TM9SF3: variants seen among roughly 807,000 people sequenced by gnomAD.
TM9SF3 encodes SM-11044-binding protein.
Under a neutral mutation model 78.6 loss-of-function variants are expected in TM9SF3, and 14 were observed. The observed-to-expected ratio is 0.18, with a 90% CI of 0.12 to 0.28. The LOEUF is 0.28. Among genes scored for constraint, TM9SF3 ranks in the 10% least tolerant of loss-of-function variants. TM9SF3 has a pLI of 1.00. For missense variants in TM9SF3, 496 were observed against 721.9 expected, an observed-to-expected ratio of 0.69 and a Z score of 3.59; for synonymous variants, 231 against 241.7, an observed-to-expected ratio of 0.96 and a Z score of 0.41.
At chr10:96,528,505 T>C (rs911647299) in intron 11 of TM9SF3, among the ~76,000 whole-genome samples, 2 of 152,132 alleles carry the variant, frequency 1.3e-5, no homozygotes, top group Non-Finnish European at 2.9e-5. Flanking sequence ...GTATCCATAT[T>C]GTTTTGTAGA....
chr10:96,563,376 A>AT (rs771044910), intron 3 of TM9SF3, among the ~76,000 whole-genome samples: 2,394 of 145,638 alleles, frequency 0.016, 41 homozygotes, highest in Non-Finnish European at 0.021. Flanking sequence ...CTAATAATTA[A>AT]TTTTTTTTTT....
chr10:96,569,537 G>A (rs190921477), intron 2 of TM9SF3, among the ~76,000 whole-genome samples: 6 of 152,314 alleles, frequency 3.9e-5, no homozygotes, highest in African/African-American at 9.6e-5. Context: ...AGTATAAACA[G>A]TGTAATTTTT....
intron 10 of TM9SF3, 54 bp from the exon 11 acceptor site, chr10:96,530,662 A>G (rs1294117009): frequency 7.0e-7 from 1 of 1,435,802 alleles, no homozygotes; most frequent in African/African-American, 1.4e-5. Context: ...CATGTTATAT[A>G]AACACTGATA....
chr10:96,528,216 A>AT, intron 11 of TM9SF3, 39 bp from the exon 12 acceptor site: 1 of 1,575,566 alleles, frequency 6.3e-7, no homozygotes, highest in African/African-American at 1.4e-5. Flanking sequence ...TCCAGTCTTT[A>AT]TTCTTAAAGC....
intron 1 of TM9SF3, among the ~76,000 whole-genome samples, chr10:96,578,112 GC>G (rs1378627000): frequency 1.3e-5 from 2 of 152,048 alleles, no homozygotes; most frequent in African/African-American, 4.8e-5. Flanking sequence ...AAAAACATCT[GC>G]CTTTTTCTTT....
intron 9 of TM9SF3, among the ~76,000 whole-genome samples, chr10:96,534,261 T>G (rs540730919): frequency 1.3e-5 from 2 of 152,288 alleles, no homozygotes; most frequent in South Asian, 4.1e-4. Flanking sequence ...AATATAAATA[T>G]GTGAGAATTA....
At chr10:96,537,558 C>T (rs187252145) in intron 9 of TM9SF3, among the ~76,000 whole-genome samples, 4 of 152,312 alleles carry the variant, frequency 2.6e-5, no homozygotes, top group Admixed American at 2.6e-4. Context: ...AATGGCCGGG[C>T]ATGGTGGCTC....
Position 96,521,177 on chromosome 10 carries a change from C to T in TM9SF3, c.*1086G>A, listed in dbSNP as rs779565886. 4.9e-5 allele frequency: 16 copies of T among 326,854 alleles called. No individual in the cohort carries two copies. Among genetic ancestry groups the T allele is most frequent in the Admixed American group, 3.0e-4 (6 of 20,270 alleles). The allele number at this position is 326,854 out of a possible 1,614,324, so 20.2% of individuals were successfully genotyped here. ...TATGACACACACATTTTGAAGAAAC[C>T]CCAATGTTTCATGCAATGGTAGGCA... On this transcript the variant is annotated 3_prime_UTR_variant, in exon 15 of 15. Coordinates refer to ENST00000371142, the MANE Select transcript of TM9SF3 (RefSeq NM_020123.4).
intron 9 of TM9SF3, among the ~76,000 whole-genome samples, chr10:96,539,368 T>A (rs546932369): frequency 6.2e-5 from 9 of 146,272 alleles, no homozygotes; most frequent in South Asian, 4.3e-4. Context: ...AAAAAAAAAA[T>A]TTTTTTAATG....
chr10:96,541,987 G>C (rs1848039557), intron 9 of TM9SF3, among the ~76,000 whole-genome samples: 1 of 152,216 alleles, frequency 6.6e-6, no homozygotes, highest in Non-Finnish European at 1.5e-5. Context: ...TAATTAGCTT[G>C]AAAGAAAGCC....
intron 8 of TM9SF3, among the ~76,000 whole-genome samples, chr10:96,545,623 C>T (rs1174214368): frequency 6.6e-6 from 1 of 152,242 alleles, no homozygotes; most frequent in Admixed American, 6.5e-5. Flanking sequence ...GGCGTGGTGG[C>T]TCATGCCTGT....
intron 5 of TM9SF3, among the ~76,000 whole-genome samples, chr10:96,555,168 A>G (rs1181908307): frequency 2.6e-5 from 4 of 152,106 alleles, no homozygotes; most frequent in African/African-American, 7.2e-5. Context: ...TATCAAATCT[A>G]AACTATTTTC....
chr10:96,574,409 A>C (rs1460785631), intron 2 of TM9SF3, among the ~76,000 whole-genome samples: 1 of 152,222 alleles, frequency 6.6e-6, no homozygotes, highest in Non-Finnish European at 1.5e-5. Flanking sequence ...GCGATCATTA[A>C]AAAATCAGGA....
At chr10:96,565,924 T>C (rs899490367) in intron 2 of TM9SF3, among the ~76,000 whole-genome samples, 1 of 152,190 alleles carries the variant, frequency 6.6e-6, no homozygotes, top group Non-Finnish European at 1.5e-5. Flanking sequence ...CCAGTGACTA[T>C]TCATAAGCAG....
chr10:96,522,301 A>G lies in TM9SF3; in HGVS notation c.1732T>C (p.Phe578Leu). Reference protein sequence around the residue: ...GAIGYMGTSAFVRKIYTNVKI... With the variant: ...GAIGYMGTSALVRKIYTNVKI... ...ACATTAGTATAGATTTTTCGGACAA[A>G]GGCACTTGTTCCCATGTAACCAATC... The change falls in exon 15 of 15, where the codon TTT (phenylalanine) becomes CTT (leucine). Residue 578 changes from phenylalanine (F) to leucine (L), a missense_variant. Coordinates refer to ENST00000371142, the MANE Select transcript of TM9SF3 (RefSeq NM_020123.4). 6.3e-7 allele frequency: 1 copy of G among 1,584,460 alleles called. No individual in the cohort carries two copies. The highest frequency in any genetic ancestry group is 1.2e-5 in the South Asian group (1 of 84,432).
At position 96,543,196 on chromosome 10, in the gene TM9SF3, C is replaced by A. The variant is rs192244457; in HGVS notation, c.1185+880G>T. Reference sequence around the variant, plus strand: ...GGTAATACCAAGAAGAATTGGGAGACCGTGGGTTAACTCATTTTATGTGTT... The same window carrying A: ...GGTAATACCAAGAAGAATTGGGAGAACGTGGGTTAACTCATTTTATGTGTT... On this transcript the variant is annotated intron_variant, in intron 9 of 14. Coordinates refer to ENST00000371142, the MANE Select transcript of TM9SF3 (RefSeq NM_020123.4). Among the ~76,000 whole-genome samples the A allele has an allele frequency of 1.8e-3, 278 of 152,210 alleles. 3 individuals carry two copies. Among genetic ancestry groups the A allele is most frequent in the African/African-American group, 6.2e-3 (257 of 41,526 alleles).
intron 5 of TM9SF3, among the ~76,000 whole-genome samples, chr10:96,556,713 T>C (rs1848238133): frequency 6.6e-6 from 1 of 152,178 alleles, no homozygotes; most frequent in Non-Finnish European, 1.5e-5. Context: ...TACTGCACCA[T>C]TTCTTTGCTC....
chr10:96,519,315 C>G lies in TM9SF3; in HGVS notation c.*2948G>C, dbSNP rs1001240519. The stretch of plus-strand genomic sequence containing the variant: ...CCATCCACTCTCAATGGAAAACACC[C>G]AAGCATACCATTCACTAGGTTCGGA... On this transcript the variant is annotated 3_prime_UTR_variant, in exon 15 of 15. Transcript: ENST00000371142. 1.3e-4 allele frequency: 19 copies of G among 151,954 alleles called. No individual in the cohort carries two copies. Among genetic ancestry groups the G allele is most frequent in the Non-Finnish European group, 2.4e-4 (16 of 67,862 alleles). The allele number at this position is 151,954 out of a possible 1,614,324, so 9.4% of individuals were successfully genotyped here. A position where few individuals can be genotyped will look rare whatever the true frequency, so the allele number is the denominator to read the frequency against.
At chr10:96,558,732 C>A (rs865943211) in intron 5 of TM9SF3, among the ~76,000 whole-genome samples, 9 of 151,866 alleles carry the variant, frequency 5.9e-5, no homozygotes, top group South Asian at 2.1e-4. Flanking sequence ...TGATAGGTTC[C>A]GGTAGAGTCT....
Sources: gnomAD v4.1 joint callset for allele counts (sites outside exome capture counted in the v4.1 genomes callset) on GRCh38, gnomAD v4.1.1 for gene constraint, MANE v1.5 for transcripts, NCBI Gene and HGNC (gene_info 2026-07-23, HGNC 2026-07-21) for gene names.